TMEM132B: variants seen among roughly 807,000 people sequenced by gnomAD.
TMEM132B encodes transmembrane protein 132B.
In TMEM132B, 18 loss-of-function variants were observed where a neutral mutation model predicts 90.8. That is an observed-to-expected ratio of 0.20 (90% CI 0.14 to 0.29). The LOEUF is 0.29. Ranked by LOEUF, TMEM132B falls within the 10% of genes least tolerant of loss-of-function variation. TMEM132B has a pLI of 1.00. For missense variants in TMEM132B, 1,096 were observed against 1,326.8 expected (o/e 0.83, Z 2.70); for synonymous variants, 504 against 523.3 (o/e 0.96, Z 0.50).
intron 2 of TMEM132B, among the ~76,000 whole-genome samples, chr12:125,378,487 G>C (rs1878563248): frequency 1.3e-5 from 2 of 152,356 alleles, no homozygotes; most frequent in South Asian, 4.1e-4. Context: ...CTCAGGCTCT[G>C]CCTGGCTTCA....
intron 3 of TMEM132B, among the ~76,000 whole-genome samples, chr12:125,484,188 CT>C (rs1260999586): frequency 7.9e-5 from 12 of 152,208 alleles, no homozygotes; most frequent in African/African-American, 2.9e-4. Context: ...GCATGAGCCA[CT>C]GTGCCTTGCT....
intron 5 of TMEM132B, among the ~76,000 whole-genome samples, chr12:125,608,148 C>T (rs1406489339): frequency 6.6e-6 from 1 of 152,100 alleles, no homozygotes; most frequent in Non-Finnish European, 1.5e-5. Context: ...CAATATTTTA[C>T]ATTTTGAAAA....
chr12:125,621,270 C>T (rs771233314), intron 5 of TMEM132B, among the ~76,000 whole-genome samples: 1 of 152,062 alleles, frequency 6.6e-6, no homozygotes, highest in African/African-American at 2.4e-5. Flanking sequence ...ATGTTTGAGC[C>T]GTGTCTTGAG....
At chr12:125,452,893 T>G (rs1299127886) in intron 3 of TMEM132B, among the ~76,000 whole-genome samples, 1 of 152,220 alleles carries the variant, frequency 6.6e-6, no homozygotes, top group Admixed American at 6.5e-5. Flanking sequence ...TCAAATATTA[T>G]CTTTAGTTTG....
In TMEM132B at chr12:125,529,225, C is replaced by G. The variant is rs539991808; in HGVS notation, c.1293+9600C>G. Among the ~76,000 whole-genome samples, 48 of 152,226 alleles carry G rather than the reference C, an allele frequency of 3.2e-4. No individual in the cohort carries two copies. The South Asian group carries it at 9.5e-3, about 30-fold the overall frequency. On this transcript the variant is annotated intron_variant, in intron 4 of 8. Transcript: ENST00000682704. The stretch of plus-strand genomic sequence containing the variant: ...TTAGCCTCCCAAGTAGCTGGGACCA[C>G]AGGCATGCCACCATGCCTGGTTAAG...
intron 3 of TMEM132B, among the ~76,000 whole-genome samples, chr12:125,430,320 A>G (rs928410774): frequency 6.6e-6 from 1 of 152,212 alleles, no homozygotes; most frequent in African/African-American, 2.4e-5. Context: ...ATCATTGATC[A>G]GAATTTCACG....
chr12:125,471,963 C>T (rs143089594), intron 3 of TMEM132B, among the ~76,000 whole-genome samples: 13 of 152,048 alleles, frequency 8.5e-5, no homozygotes, highest in African/African-American at 2.9e-4. Flanking sequence ...AGGGAGGTTC[C>T]CTGGGATAGA....
At chr12:125,447,380 C>T (rs1881034631) in intron 3 of TMEM132B, among the ~76,000 whole-genome samples, 1 of 152,054 alleles carries the variant, frequency 6.6e-6, no homozygotes, top group African/African-American at 2.4e-5. Flanking sequence ...TTAGTAGCTA[C>T]CCTAGAGAAT....
intron 1 of TMEM132B, among the ~76,000 whole-genome samples, chr12:125,330,121 T>C (rs1876719437): frequency 6.6e-6 from 1 of 152,152 alleles, no homozygotes; most frequent in Admixed American, 6.5e-5. Flanking sequence ...GTGGTGTGGG[T>C]GCGTCCCCGC....
chr12:125,222,628 A>C (rs1873586646), intron 1 of TMEM132B, among the ~76,000 whole-genome samples: 2 of 152,236 alleles, frequency 1.3e-5, no homozygotes, highest in South Asian at 4.1e-4. Flanking sequence ...TTCTAAATTT[A>C]CTTCCCACTC....
At chr12:125,318,859 G>A (rs544289987) in intron 1 of TMEM132B, among the ~76,000 whole-genome samples, 84 of 152,298 alleles carry the variant, frequency 5.5e-4, no homozygotes, top group Middle Eastern at 3.4e-3. Context: ...AAATCCTCTT[G>A]TAAAAATATT....
intron 1 of TMEM132B, among the ~76,000 whole-genome samples, chr12:125,294,268 C>T (rs780210743): frequency 6.6e-6 from 1 of 152,182 alleles, no homozygotes. Flanking sequence ...GTGTGTTAGG[C>T]AGCAGACAAC....
chr12:125,526,086 G>T (rs898575090), intron 4 of TMEM132B, among the ~76,000 whole-genome samples: 2 of 152,214 alleles, frequency 1.3e-5, no homozygotes, highest in African/African-American at 4.8e-5. Flanking sequence ...GCAGAGCAGA[G>T]ACAGGGTGGG....
chr12:125,232,823 T>C (rs1026689383), intron 1 of TMEM132B, among the ~76,000 whole-genome samples: 14 of 152,262 alleles, frequency 9.2e-5, no homozygotes, highest in African/African-American at 3.4e-4. Context: ...CTGGCAAAAG[T>C]ATTATCATGG....
chr12:125,556,485 T>A (rs1191296456), intron 4 of TMEM132B, among the ~76,000 whole-genome samples: 1 of 152,208 alleles, frequency 6.6e-6, no homozygotes, highest in Non-Finnish European at 1.5e-5. Flanking sequence ...ACCCGGGGGA[T>A]GTGGAAGAGT....
intron 4 of TMEM132B, among the ~76,000 whole-genome samples, chr12:125,529,082 C>T (rs983059068): frequency 3.3e-5 from 5 of 150,134 alleles, no homozygotes; most frequent in African/African-American, 4.9e-5. Flanking sequence ...CCTTCTCCTC[C>T]TTCCTCTTCC....
At chr12:125,581,342 A>C (rs1885048535) in intron 4 of TMEM132B, among the ~76,000 whole-genome samples, 1 of 152,242 alleles carries the variant, frequency 6.6e-6, no homozygotes. Flanking sequence ...AAAACAGTTA[A>C]TTTTGTATAC....
chr12:125,328,714 C>T (rs1264376640), intron 1 of TMEM132B, among the ~76,000 whole-genome samples: 1 of 152,218 alleles, frequency 6.6e-6, no homozygotes, highest in Non-Finnish European at 1.5e-5. Flanking sequence ...ATCAAAGACC[C>T]TATTTCCAAG....
chr12:125,575,185 C>T (rs1884914485), intron 4 of TMEM132B, among the ~76,000 whole-genome samples: 1 of 149,420 alleles, frequency 6.7e-6, no homozygotes, highest in South Asian at 2.1e-4. Context: ...ACCCCACAGA[C>T]AATGTATGAG....
Sources: allele counts gnomAD v4.1 joint callset (sites outside exome capture counted in the v4.1 genomes callset), GRCh38; gene constraint gnomAD v4.1.1; transcripts MANE v1.5; gene names NCBI Gene and HGNC (gene_info 2026-07-23, HGNC 2026-07-21).